ERBB4: variants seen among roughly 807,000 people sequenced by gnomAD.
ERBB4 encodes the protein receptor tyrosine-protein kinase erbB-4.
ERBB4 carries 42 observed loss-of-function variants against 158.0 expected under a neutral mutation model. That is an observed-to-expected ratio of 0.27 (90% CI 0.21 to 0.34). The LOEUF (loss-of-function observed/expected upper bound fraction) is 0.34, where lower values mean the gene tolerates loss of function less well. Among genes scored for constraint, ERBB4 ranks in the 10% least tolerant of loss-of-function variants. The pLI is 1.00. For synonymous variants in ERBB4, 583 were observed against 558.7 expected (o/e 1.04, Z -0.61); for missense variants, 1,333 against 1,624.1 (o/e 0.82, Z 3.08).
intron 1 of ERBB4, among the ~76,000 whole-genome samples, chr2:212,255,987 A>G (rs2084716209): frequency 9.0e-6 from 1 of 110,526 alleles, no homozygotes; most frequent in Non-Finnish European, 1.9e-5. Flanking sequence ...TTCCTGGCTA[A>G]GTTTTATTTA....
chr2:212,460,804 T>C (rs573091478), intron 1 of ERBB4, among the ~76,000 whole-genome samples: 1 of 152,222 alleles, frequency 6.6e-6, no homozygotes, highest in Non-Finnish European at 1.5e-5. Flanking sequence ...CCATAAGTAA[T>C]GAGGAGTCGA....
chr2:211,753,208 C>T (rs184585517), intron 4 of ERBB4, among the ~76,000 whole-genome samples: 1 of 152,036 alleles, frequency 6.6e-6, no homozygotes, highest in East Asian at 1.9e-4. Flanking sequence ...ATGCCTGTAA[C>T]CTTAGTTTGA....
intron 25 of ERBB4, among the ~76,000 whole-genome samples, chr2:211,391,934 T>C (rs948294266): frequency 2.0e-5 from 3 of 152,040 alleles, no homozygotes; most frequent in African/African-American, 7.2e-5. Context: ...TCAATGAGAG[T>C]CACTTTCTAA....
chr2:212,476,064 T>C (rs1367189854), intron 1 of ERBB4, among the ~76,000 whole-genome samples: 1 of 151,838 alleles, frequency 6.6e-6, no homozygotes, highest in African/African-American at 2.4e-5. Flanking sequence ...ACTTCCTCAG[T>C]GATGCCTGGA....
chr2:211,501,359 T>C (rs950611147), intron 20 of ERBB4, among the ~76,000 whole-genome samples: 1 of 151,840 alleles, frequency 6.6e-6, no homozygotes, highest in Non-Finnish European at 1.5e-5. Flanking sequence ...GGAATGGTCC[T>C]AACACAAATA....
intron 17 of ERBB4, among the ~76,000 whole-genome samples, chr2:211,624,334 T>C (rs2069753316): frequency 6.6e-6 from 1 of 152,010 alleles, no homozygotes; most frequent in Non-Finnish European, 1.5e-5. Context: ...ATTTGATGCA[T>C]TAAAGAAGGA....
intron 1 of ERBB4, among the ~76,000 whole-genome samples, chr2:212,479,744 AT>A (rs1327825482): frequency 6.6e-6 from 1 of 152,168 alleles, no homozygotes; most frequent in Non-Finnish European, 1.5e-5. Flanking sequence ...TAGAAAATGC[AT>A]TTAAAATTTA....
At chr2:211,882,056 T>G (rs576483941) in intron 3 of ERBB4, among the ~76,000 whole-genome samples, 1 of 152,288 alleles carries the variant, frequency 6.6e-6, no homozygotes, top group African/African-American at 2.4e-5. Context: ...GGGAAAGTCC[T>G]TCTGCACCAC....
intron 2 of ERBB4, among the ~76,000 whole-genome samples, chr2:212,017,846 C>A (rs2076562725): frequency 6.6e-6 from 1 of 152,060 alleles, no homozygotes. Flanking sequence ...TGAGTATTAG[C>A]AAAATGATTC....
At chr2:212,236,718 T>A (rs571443661) in intron 1 of ERBB4, among the ~76,000 whole-genome samples, 1 of 152,336 alleles carries the variant, frequency 6.6e-6, no homozygotes, top group East Asian at 1.9e-4. Context: ...TCCAGGAATT[T>A]ATTCATTTCT....
At chr2:212,195,449 CTA>C (rs1056549908) in intron 1 of ERBB4, among the ~76,000 whole-genome samples, 10 of 151,528 alleles carry the variant, frequency 6.6e-5, no homozygotes, top group Non-Finnish European at 1.5e-4. Flanking sequence ...ATTTTTAAAA[CTA>C]TTTTTAATTA....
Position 212,331,058 on chromosome 2 carries a change from G to GTATATATATATATATATATATA in ERBB4, c.83-206156_83-206155insTATATATATATATATATATATA. ...AGTAAGTTTCCCATATTTGTAATTTGTATATATATATATACACATATATAT... is the reference window on the plus strand; with the variant it reads ...AGTAAGTTTCCCATATTTGTAATTTGTATATATATATATATATATATATATATATATATATACACATATATAT... On this transcript the variant is annotated intron_variant, in intron 1 of 27. Transcript: ENST00000342788. 3.5e-3 allele frequency among the ~76,000 whole-genome samples: 196 copies of GTATATATATATATATATATATA among 56,290 alleles called. 18 individuals carry two copies. Among genetic ancestry groups the GTATATATATATATATATATATA allele is most frequent in the South Asian group, 0.017 (24 of 1,378 alleles). 36.9% of individuals were successfully genotyped at this position (56,290 alleles called of 152,430 possible). A position where few individuals can be genotyped will look rare whatever the true frequency, so the allele number is the denominator to read the frequency against.
intron 2 of ERBB4, among the ~76,000 whole-genome samples, chr2:212,005,361 T>C (rs1046926760): frequency 1.3e-5 from 2 of 152,058 alleles, no homozygotes; most frequent in African/African-American, 4.8e-5. Flanking sequence ...TTTAACTATA[T>C]TCAGACACCT....
At chr2:211,580,841 A>G (rs2068064175) in intron 19 of ERBB4, among the ~76,000 whole-genome samples, 3 of 89,542 alleles carry the variant, frequency 3.4e-5, no homozygotes, top group African/African-American at 1.0e-4. Flanking sequence ...TATAGATTAT[A>G]TATTATATAT....
At chr2:211,722,703 C>T (rs907918331) in intron 6 of ERBB4, among the ~76,000 whole-genome samples, 169 bp from the exon 7 acceptor site, 1 of 152,100 alleles carries the variant, frequency 6.6e-6, no homozygotes, top group Non-Finnish European at 1.5e-5. Flanking sequence ...ACTCTTTTTT[C>T]CAGTATCAGT....
intron 19 of ERBB4, among the ~76,000 whole-genome samples, chr2:211,603,647 C>T (rs1017217550): frequency 6.6e-6 from 1 of 152,294 alleles, no homozygotes; most frequent in East Asian, 1.9e-4. Flanking sequence ...TTGGTCTTCA[C>T]TCAATGTACA....
intron 19 of ERBB4, among the ~76,000 whole-genome samples, chr2:211,569,196 G>C (rs2125739692): frequency 6.6e-6 from 1 of 152,308 alleles, no homozygotes; most frequent in East Asian, 1.9e-4. Context: ...GTTAGATTTA[G>C]TCACTAACAC....
chr2:212,324,575 T>C (rs1553618017), intron 1 of ERBB4, among the ~76,000 whole-genome samples: 1 of 149,510 alleles, frequency 6.7e-6, no homozygotes, highest in Non-Finnish European at 1.5e-5. Context: ...AGTGGATCGG[T>C]GAATAATAGA....
At chr2:211,772,633 G>T (rs530690321) in intron 4 of ERBB4, among the ~76,000 whole-genome samples, 1 of 150,424 alleles carries the variant, frequency 6.6e-6, no homozygotes, top group African/African-American at 2.4e-5. Flanking sequence ...ACAAAATTAT[G>T]TTGATAACTA....
Sources: gnomAD v4.1 joint callset for allele counts (sites outside exome capture counted in the v4.1 genomes callset) on GRCh38, gnomAD v4.1.1 for gene constraint, MANE v1.5 for transcripts, NCBI Gene and HGNC (gene_info 2026-07-23, HGNC 2026-07-21) for gene names.